Variants in SLC44A2 observed in about 807,000 individuals in gnomAD.
SLC44A2 encodes solute carrier family 44 member 2 (CTL2 blood group), also known as choline transporter-like protein 2.
Under a neutral mutation model 90.8 loss-of-function variants are expected in SLC44A2, and 57 were observed. The observed-to-expected ratio is 0.63, with a 90% CI of 0.51 to 0.78. The LOEUF (loss-of-function observed/expected upper bound fraction) is 0.78, where lower values mean the gene tolerates loss of function less well. Ranked by LOEUF, SLC44A2 falls within the 30% of genes least tolerant of loss-of-function variation. The pLI, the probability that SLC44A2 is intolerant of heterozygous loss-of-function variation, is 0.00. For missense variants in SLC44A2, 794 were observed against 919.7 expected (o/e 0.86, Z 1.77); for synonymous variants, 355 against 360.7 (o/e 0.98, Z 0.18).
Position 10,618,209 on chromosome 19 carries a change from C to T in SLC44A2, c.32-8044C>T, listed in dbSNP as rs187634919. The stretch of plus-strand genomic sequence containing the variant: ...TTTTTTTTTGAGACGGAGTCTCGCT[C>T]TGTTGCCCAGGCTGGAGTGCAGTGT... On this transcript the variant is annotated intron_variant, in intron 1 of 21. Transcript: ENST00000407327. 3.9e-3 allele frequency among the ~76,000 whole-genome samples: 502 copies of T among 128,318 alleles called. 5 individuals are homozygous for T. The highest frequency in any genetic ancestry group is 0.013 in the African/African-American group (422 of 32,966). 84.2% of individuals were successfully genotyped at this position (128,318 alleles called of 152,430 possible). A position where few individuals can be genotyped will look rare whatever the true frequency, so the allele number is the denominator to read the frequency against.
chr19:10,622,858 T>C (rs1221897810), upstream of SLC44A2, among the ~76,000 whole-genome samples: 1 of 152,138 alleles, frequency 6.6e-6, no homozygotes. Flanking sequence ...GCTGTGATTA[T>C]GCCACTGCAT....
At chr19:10,603,324 G>A (rs1188683080) in intron 1 of SLC44A2, among the ~76,000 whole-genome samples, 1 of 152,096 alleles carries the variant, frequency 6.6e-6, no homozygotes, top group Non-Finnish European at 1.5e-5. Context: ...ACGGTGGGAG[G>A]AGTTGCCATC....
intron 1 of SLC44A2, among the ~76,000 whole-genome samples, chr19:10,613,255 C>T (rs1918361190): frequency 7.1e-6 from 1 of 140,762 alleles, no homozygotes. Context: ...TATTTTCTTT[C>T]TTTTTTTTTT....
intron 1 of SLC44A2, among the ~76,000 whole-genome samples, chr19:10,615,881 C>A (rs930133819): frequency 2.0e-5 from 3 of 151,306 alleles, no homozygotes; most frequent in African/African-American, 2.4e-5. Context: ...TGAAATGAGG[C>A]GGGCTGGACA....
chr19:10,621,136 G>T (rs1431576898), upstream of SLC44A2, among the ~76,000 whole-genome samples: 1 of 151,984 alleles, frequency 6.6e-6, no homozygotes. Flanking sequence ...ATCACTTGAG[G>T]TCAGGAGTTC....
intron 16 of SLC44A2, chr19:10,636,979 G>A: frequency 1.8e-6 from 1 of 555,890 alleles, no homozygotes; most frequent in Non-Finnish European, 3.2e-6. Flanking sequence ...TGAGGGGACA[G>A]GCCCAAGAGG....
intron 1 of SLC44A2, among the ~76,000 whole-genome samples, chr19:10,609,884 C>T (rs1393564195): frequency 6.6e-6 from 1 of 152,128 alleles, no homozygotes; most frequent in Non-Finnish European, 1.5e-5. Flanking sequence ...CGGCTGACTG[C>T]AGCCTCTGCC....
intron 4 of SLC44A2, among the ~76,000 whole-genome samples, chr19:10,628,446 A>G (rs1362559378): frequency 6.6e-6 from 1 of 152,162 alleles, no homozygotes; most frequent in African/African-American, 2.4e-5. Flanking sequence ...CCAGCTACCC[A>G]GCAGGCTGAG....
chr19:10,607,748 TTA>T (rs55652029), intron 1 of SLC44A2, among the ~76,000 whole-genome samples: 8,165 of 125,678 alleles, frequency 0.065, 261 homozygotes, highest in Middle Eastern at 0.095. Flanking sequence ...ATTATTATTA[TTA>T]TTTTTTTTTT....
At chr19:10,637,777 C>A in intron 17 of SLC44A2, 30 bp downstream of exon 17, 1 of 1,612,930 alleles carries the variant, frequency 6.2e-7, no homozygotes, top group South Asian at 1.1e-5. Flanking sequence ...CCAACCAACC[C>A]GCCAGCTCCT....
Position 10,611,678 on chromosome 19 carries a change from T to G in SLC44A2, c.31+9117T>G, listed in dbSNP as rs555697379. ...CCCAAAAATATGCAAAAAAATTAGC[T>G]GGTCATGGTGGCTTATGCCTGTGGT... On this transcript the variant is annotated intron_variant, in intron 1 of 21. Transcript: ENST00000407327. 3.0e-4 allele frequency among the ~76,000 whole-genome samples: 45 copies of G among 151,780 alleles called. No homozygotes were observed. In the South Asian group the frequency reaches 6.1e-3, roughly 20 times the overall value.
At chr19:10,613,732 G>C (rs866882142) in intron 1 of SLC44A2, among the ~76,000 whole-genome samples, 6 of 152,188 alleles carry the variant, frequency 3.9e-5, no homozygotes, top group Admixed American at 2.6e-4. Flanking sequence ...GACATGGAAC[G>C]ACGGAAGCGA....
upstream of SLC44A2, among the ~76,000 whole-genome samples, chr19:10,622,659 T>G (rs201089889): frequency 6.6e-6 from 1 of 152,110 alleles, no homozygotes; most frequent in Non-Finnish European, 1.5e-5. Flanking sequence ...TACAGCACTT[T>G]GGGAGGCTGA....
rs117797707 is a variant in SLC44A2 at position 10,634,670 on chromosome 19, T to G, written c.824-86T>G. Reference sequence around the variant, plus strand: ...TCCCTGAGGCAGAAGCCTCGATGTTTGCTTCTGTTAAATGGGGGCAGTTGT... The same window carrying G: ...TCCCTGAGGCAGAAGCCTCGATGTTGGCTTCTGTTAAATGGGGGCAGTTGT... On this transcript the variant is annotated intron_variant, in intron 10 of 21. Coordinates refer to ENST00000335757, the MANE Select transcript of SLC44A2 (RefSeq NM_020428.4). 6.7e-4 allele frequency: 1,064 copies of G among 1,587,312 alleles called. 13 individuals carry two copies. The East Asian group carries it at 0.017, about 25-fold the overall frequency.
At chr19:10,642,019 G>T (rs772441474) in intron 20 of SLC44A2, among the ~76,000 whole-genome samples, 1 of 152,062 alleles carries the variant, frequency 6.6e-6, no homozygotes, top group Non-Finnish European at 1.5e-5. Flanking sequence ...AATGAGCCAG[G>T]CGTGGTGGCA....
chr19:10,609,901 G>A (rs1918234224), intron 1 of SLC44A2, among the ~76,000 whole-genome samples: 2 of 152,078 alleles, frequency 1.3e-5, no homozygotes, highest in Non-Finnish European at 2.9e-5. Flanking sequence ...TGCCTCCTGG[G>A]TTCAAGTTAT....
chr19:10,625,239 C>G, upstream of SLC44A2: 1 of 211,024 alleles, frequency 4.7e-6, no homozygotes, highest in Non-Finnish European at 9.3e-6. Context: ...GGGCAGTAGG[C>G]CGTTTTCCCT....
At chr19:10,608,809 C>T (rs181167352) in intron 1 of SLC44A2, among the ~76,000 whole-genome samples, 1 of 151,774 alleles carries the variant, frequency 6.6e-6, no homozygotes, top group East Asian at 1.9e-4. Flanking sequence ...AGTTACCGTG[C>T]CCGATTAATT....
intron 1 of SLC44A2, among the ~76,000 whole-genome samples, chr19:10,606,512 C>T (rs1307928138): frequency 2.6e-5 from 4 of 151,882 alleles, no homozygotes; most frequent in African/African-American, 9.7e-5. Context: ...CCTGTCTCTA[C>T]TAAAAATACA....
Sources: allele counts gnomAD v4.1 joint callset (sites outside exome capture counted in the v4.1 genomes callset), GRCh38; gene constraint gnomAD v4.1.1; transcripts MANE v1.5; gene names NCBI Gene and HGNC (gene_info 2026-07-23, HGNC 2026-07-21).